The following CSMD1 variants were observed in gnomAD, a reference collection of about 807,000 sequenced individuals.
CSMD1 encodes the protein CUB and Sushi multiple domains 1, also known as CUB and sushi domain-containing protein 1.
CSMD1 carries 213 observed loss-of-function variants against 417.5 expected under a neutral mutation model. That is an observed-to-expected ratio of 0.51 (90% confidence interval 0.46 to 0.57). The LOEUF is 0.57. Among genes scored for constraint, CSMD1 ranks in the 20% least tolerant of loss-of-function variants. The pLI, the probability that CSMD1 is intolerant of heterozygous loss-of-function variation, is 0.00. For synonymous variants in CSMD1, 2,862 were observed against 1,736.8 expected (o/e 1.65, Z -16.11); for missense variants, 6,923 against 4,529.7 (o/e 1.53, Z -15.17).
At position 3,663,880 on chromosome 8, in the gene CSMD1, C is replaced by T. The variant is rs183961448; in HGVS notation, c.1009+44534G>A. On this transcript the variant is annotated intron_variant, in intron 7 of 69. Transcript: ENST00000635120. ...TTCTGAGGTTGTGTCACAGGCGCAA[C>T]CTCAACCTTGGATAAATAAACTTTC... 3.3e-5 allele frequency among the ~76,000 whole-genome samples: 5 copies of T among 152,234 alleles called. No homozygotes were observed. The East Asian group carries it at 9.7e-4, about 29-fold the overall frequency.
At chr8:3,818,188 C>T (rs1801504698) in intron 5 of CSMD1, among the ~76,000 whole-genome samples, 1 of 151,974 alleles carries the variant, frequency 6.6e-6, no homozygotes, top group African/African-American at 2.4e-5. Context: ...CTGCACACTC[C>T]CCACAGCTGC....
intron 3 of CSMD1, among the ~76,000 whole-genome samples, chr8:4,153,703 G>T (rs868631368): frequency 6.6e-6 from 1 of 152,196 alleles, no homozygotes; most frequent in Non-Finnish European, 1.5e-5. Context: ...CAATCCGGCA[G>T]TCCCACAGAT....
chr8:4,361,757 C>T (rs376824336), intron 3 of CSMD1, among the ~76,000 whole-genome samples: 1 of 152,104 alleles, frequency 6.6e-6, no homozygotes, highest in African/African-American at 2.4e-5. Context: ...AGATCGAGAC[C>T]ATCCTGGCTA....
In CSMD1 at chr8:4,455,809, G is replaced by T. The variant is rs554287175; in HGVS notation, c.303-35744C>A. Among the ~76,000 whole-genome samples the T allele has an allele frequency of 2.7e-5, 4 of 150,548 alleles. No individual in the cohort carries two copies. The East Asian group carries it at 7.9e-4, about 30-fold the overall frequency. On this transcript the variant is annotated intron_variant, in intron 2 of 69. Transcript: ENST00000635120. Reference sequence around the variant, plus strand: ...CGCTGGATGTGGTGGCATGTGCCTGGAATCCCAGCTACTCAGGAGGCTGAG... The same window carrying T: ...CGCTGGATGTGGTGGCATGTGCCTGTAATCCCAGCTACTCAGGAGGCTGAG...
In CSMD1 at chr8:4,490,346, TC is replaced by T. The variant is rs578082652; in HGVS notation, c.303-70282del. The stretch of plus-strand genomic sequence containing the variant: ...TGAGCCACCATATCCAGCCCAGATA[TC>T]TTGTAAGTGCAACCATTGCTTAATG... On this transcript the variant is annotated intron_variant, in intron 2 of 69. Transcript: ENST00000635120. Among the ~76,000 whole-genome samples, 105 of 152,296 alleles carry T rather than the reference TC, an allele frequency of 6.9e-4. No individual in the cohort carries two copies. In the South Asian group the frequency reaches 0.021, roughly 31 times the overall value.
intron 3 of CSMD1, among the ~76,000 whole-genome samples, chr8:4,361,790 C>T (rs943324801): frequency 6.6e-6 from 1 of 152,016 alleles, no homozygotes; most frequent in South Asian, 2.1e-4. Flanking sequence ...CCCATCTCTA[C>T]TAAAAATACA....
chr8:3,609,811 CTTTTTTTTTTTT>C (rs71534362), intron 8 of CSMD1, among the ~76,000 whole-genome samples: 4 of 75,262 alleles, frequency 5.3e-5, no homozygotes, highest in African/African-American at 9.9e-5. Context: ...AGTATCTTCC[CTTTTTTTTTTTT>C]TTTTTTTTTT....
At chr8:4,465,892 T>C (rs1800137406) in intron 2 of CSMD1, among the ~76,000 whole-genome samples, 1 of 152,150 alleles carries the variant, frequency 6.6e-6, no homozygotes, top group Non-Finnish European at 1.5e-5. Flanking sequence ...GCTGACTCAC[T>C]GCACTAACAA....
At chr8:3,996,226 G>A (rs1007785264) in intron 5 of CSMD1, among the ~76,000 whole-genome samples, 6 of 152,138 alleles carry the variant, frequency 3.9e-5, no homozygotes, top group African/African-American at 1.4e-4. Flanking sequence ...AGCAAGGTGT[G>A]CAGTCAATGC....
intron 5 of CSMD1, among the ~76,000 whole-genome samples, chr8:3,775,874 C>A (rs1798862566): frequency 6.6e-6 from 1 of 152,178 alleles, no homozygotes; most frequent in African/African-American, 2.4e-5. Flanking sequence ...CCTGAGACCT[C>A]TCTCCCTTGC....
chr8:3,742,914 C>T (rs988442803), intron 6 of CSMD1, among the ~76,000 whole-genome samples: 1 of 152,164 alleles, frequency 6.6e-6, no homozygotes, highest in African/African-American at 2.4e-5. Flanking sequence ...CGTGCGAATG[C>T]GCTGAGCAGC....
chr8:4,350,701 G>T (rs971615567), intron 3 of CSMD1, among the ~76,000 whole-genome samples: 2 of 152,224 alleles, frequency 1.3e-5, no homozygotes, highest in Non-Finnish European at 2.9e-5. Flanking sequence ...TGTCAAGGTT[G>T]TCCACTTCTC....
intron 4 of CSMD1, among the ~76,000 whole-genome samples, chr8:4,009,050 CT>C (rs1563313548): frequency 6.6e-6 from 1 of 152,036 alleles, no homozygotes; most frequent in East Asian, 1.9e-4. Flanking sequence ...AATATTTTTC[CT>C]TTATTGAGTT....
At chr8:3,427,247 G>C (rs972192397) in intron 12 of CSMD1, among the ~76,000 whole-genome samples, 5 of 152,104 alleles carry the variant, frequency 3.3e-5, no homozygotes, top group African/African-American at 9.7e-5. Flanking sequence ...ATTTTGCTTT[G>C]AGATTTTCAA....
intron 21 of CSMD1, among the ~76,000 whole-genome samples, 167 bp downstream of exon 21, chr8:3,358,985 G>C (rs1349214676): frequency 6.6e-6 from 1 of 152,096 alleles, no homozygotes; most frequent in Non-Finnish European, 1.5e-5. Context: ...CAAGCCCAGA[G>C]CAGTTAGGCA....
intron 1 of CSMD1, chr8:4,788,305 G>A (rs1797517460): frequency 6.3e-7 from 1 of 1,580,974 alleles, no homozygotes; most frequent in African/African-American, 1.3e-5. Context: ...GCAGGCAGAA[G>A]TAATGGTTTG....
intron 3 of CSMD1, among the ~76,000 whole-genome samples, chr8:4,076,594 T>G (rs1423168976): frequency 6.6e-6 from 1 of 152,220 alleles, no homozygotes; most frequent in Non-Finnish European, 1.5e-5. Context: ...ATTCATGTCC[T>G]AAACTTAAAA....
rs1268448143 is a variant in CSMD1, at chr8:3,288,551, T to A, written c.3951-4205A>T. Reference sequence around the variant, plus strand: ...GGCAGGATGTATGTGTCGAAGAATTTATCCATTTCTTCTAGATTTTCTAGT... The same window carrying A: ...GGCAGGATGTATGTGTCGAAGAATTAATCCATTTCTTCTAGATTTTCTAGT... On this transcript the variant is annotated intron_variant, in intron 25 of 69. Coordinates refer to ENST00000635120, the MANE Select transcript of CSMD1 (RefSeq NM_033225.6). Among the ~76,000 whole-genome samples the A allele has an allele frequency of 1.4e-5, 2 of 147,500 alleles. 1 individual carries two copies.
At chr8:4,946,642 T>A (rs1170733448) in intron 1 of CSMD1, among the ~76,000 whole-genome samples, 1 of 152,190 alleles carries the variant, frequency 6.6e-6, no homozygotes, top group Non-Finnish European at 1.5e-5. Context: ...ATATTTAGAA[T>A]CTGACTCCCG....
Sources: gnomAD v4.1 joint callset for allele counts (sites outside exome capture counted in the v4.1 genomes callset) on GRCh38, gnomAD v4.1.1 for gene constraint, MANE v1.5 for transcripts, NCBI Gene and HGNC (gene_info 2026-07-23, HGNC 2026-07-21) for gene names.